Variants in PARD3 observed in about 807,000 individuals in gnomAD.
The protein encoded by PARD3 is par-3 family cell polarity regulator, also known as partitioning defective 3 homolog.
In PARD3, 75 loss-of-function variants were observed where a neutral mutation model predicts 155.4. The observed-to-expected ratio is 0.48, with a 90% CI of 0.40 to 0.58. The LOEUF (loss-of-function observed/expected upper bound fraction) is 0.58. Among genes scored for constraint, PARD3 ranks in the 20% least tolerant of loss-of-function variants. The pLI is 0.00. For synonymous variants in PARD3, 576 were observed against 610.5 expected, an observed-to-expected ratio of 0.94 and a Z score of 0.83; for missense variants, 1,642 against 1,721.7, an observed-to-expected ratio of 0.95 and a Z score of 0.82.
chr10:34,140,788 C>T (rs956888386), intron 22 of PARD3, among the ~76,000 whole-genome samples: 6 of 152,174 alleles, frequency 3.9e-5, no homozygotes, highest in Non-Finnish European at 7.3e-5. Context: ...TCACCAAACA[C>T]CTGAATTCAA....
chr10:34,675,535 T>C (rs887785863), intron 2 of PARD3: 3 of 151,850 alleles, frequency 2.0e-5, no homozygotes, highest in Non-Finnish European at 4.4e-5. Context: ...CTCAGAAAAC[T>C]CCCCAATATG....
chr10:34,289,230 C>T lies in PARD3; in HGVS notation c.3066-4985G>A, dbSNP rs181124577. ...TGGGGGACATAGGCTTGCTCTGTTG[C>T]CCAGGCTAGAGTGCAGTGGCGCAAT... On this transcript the variant is annotated intron_variant, in intron 20 of 24. Coordinates refer to ENST00000374788, the MANE Select transcript of PARD3 (RefSeq NM_001184785.2). 1.2e-4 allele frequency among the ~76,000 whole-genome samples: 19 copies of T among 152,118 alleles called. No homozygotes were observed. The East Asian group carries it at 3.3e-3, about 26-fold the overall frequency.
At chr10:34,301,637 T>C (rs985411859) in intron 20 of PARD3, among the ~76,000 whole-genome samples, 7 of 152,030 alleles carry the variant, frequency 4.6e-5, no homozygotes, top group African/African-American at 1.7e-4. Flanking sequence ...GTGCCAGCCC[T>C]TCCCCCTCTT....
intron 2 of PARD3, among the ~76,000 whole-genome samples, chr10:34,527,798 G>A (rs887857028): frequency 6.6e-6 from 1 of 152,156 alleles, no homozygotes; most frequent in Admixed American, 6.5e-5. Flanking sequence ...CAAGAAGGAA[G>A]GGTGTGATTT....
intron 22 of PARD3, among the ~76,000 whole-genome samples, chr10:34,230,798 C>T (rs1039888963): frequency 5.3e-5 from 8 of 152,132 alleles, no homozygotes; most frequent in Middle Eastern, 6.8e-3. Flanking sequence ...GAGGCTAGGG[C>T]GGGAGGATCA....
At chr10:34,121,235 T>C (rs1158453520) in intron 23 of PARD3, among the ~76,000 whole-genome samples, 2 of 152,232 alleles carry the variant, frequency 1.3e-5, no homozygotes, top group African/African-American at 2.4e-5. Flanking sequence ...ATGGTTACCT[T>C]ACCTTCTAGA....
At chr10:34,631,671 T>C (rs1226633619) in intron 2 of PARD3, among the ~76,000 whole-genome samples, 1 of 152,228 alleles carries the variant, frequency 6.6e-6, no homozygotes, top group African/African-American at 2.4e-5. Flanking sequence ...TGGCACAATC[T>C]TGGCTTACTA....
chr10:34,270,837 A>G (rs1955578855), intron 21 of PARD3, among the ~76,000 whole-genome samples: 1 of 152,202 alleles, frequency 6.6e-6, no homozygotes, highest in Admixed American at 6.5e-5. Flanking sequence ...TGCCTACATT[A>G]CAACTAAGAA....
intron 22 of PARD3, among the ~76,000 whole-genome samples, chr10:34,240,613 T>C (rs1953520558): frequency 6.6e-6 from 1 of 152,098 alleles, no homozygotes; most frequent in Non-Finnish European, 1.5e-5. Flanking sequence ...TAAGGTGGGA[T>C]TTTTGGATTT....
intron 4 of PARD3, among the ~76,000 whole-genome samples, chr10:34,468,319 G>A (rs1161341409): frequency 2.0e-5 from 3 of 152,138 alleles, no homozygotes; most frequent in South Asian, 2.1e-4. Context: ...ATAAAAACAC[G>A]TTCTGTTTGC....
intron 5 of PARD3, among the ~76,000 whole-genome samples, chr10:34,403,631 G>C (rs993029587): frequency 6.6e-6 from 1 of 152,184 alleles, no homozygotes; most frequent in African/African-American, 2.4e-5. Context: ...GTGGAGCTCT[G>C]CATGAAGCCA....
Position 34,292,733 on chromosome 10 carries a change from T to A in PARD3, c.3066-8488A>T, listed in dbSNP as rs571719653. Among the ~76,000 whole-genome samples the A allele has an allele frequency of 3.9e-5, 6 of 152,054 alleles. No individual in the cohort carries two copies. The East Asian group carries it at 5.8e-4, about 15-fold the overall frequency. On this transcript the variant is annotated intron_variant, in intron 20 of 24. Transcript: ENST00000374788. ...ACTTTATTATTATTATTTTTTTTTT[T>A]AAAGAAAAAGCACCTTCTACTTAAC...
intron 5 of PARD3, among the ~76,000 whole-genome samples, chr10:34,403,055 G>T (rs1844064897): frequency 6.6e-6 from 1 of 152,128 alleles, no homozygotes; most frequent in Non-Finnish European, 1.5e-5. Context: ...AATGATGGAG[G>T]CATAGTCTTT....
intron 22 of PARD3, among the ~76,000 whole-genome samples, chr10:34,154,979 T>G (rs1948939912): frequency 6.6e-6 from 1 of 152,208 alleles, no homozygotes; most frequent in South Asian, 2.1e-4. Context: ...GTTCCTATAC[T>G]CAATGGTCAG....
intron 3 of PARD3, among the ~76,000 whole-genome samples, chr10:34,501,800 T>C (rs2080728624): frequency 6.6e-6 from 1 of 151,020 alleles, no homozygotes. Flanking sequence ...ACATCATACA[T>C]GTGATTAAGG....
At position 34,579,603 on chromosome 10, in the gene PARD3, C is replaced by T. The variant is rs111387064; in HGVS notation, c.223-62444G>A. On this transcript the variant is annotated intron_variant, in intron 2 of 24. Transcript: ENST00000374788. ...GTGTGTGTGTGTGTGTGTTTTGACA[C>T]GGAGTTTCACACTGTCTCCCAGGCT... is the stretch of plus-strand genomic sequence containing the variant. Among the ~76,000 whole-genome samples, 369 of 80,760 alleles carry T rather than the reference C, an allele frequency of 4.6e-3. 4 individuals are homozygous for T. Among genetic ancestry groups the T allele is most frequent in the African/African-American group, 0.014 (340 of 23,484 alleles). The allele number at this position is 80,760 out of a possible 152,430, so 53.0% of individuals were successfully genotyped here. A position where few individuals can be genotyped will look rare whatever the true frequency, so the allele number is the denominator to read the frequency against.
At chr10:34,566,088 T>C (rs940094647) in intron 2 of PARD3, among the ~76,000 whole-genome samples, 6 of 152,294 alleles carry the variant, frequency 3.9e-5, no homozygotes, top group African/African-American at 1.4e-4. Flanking sequence ...GAGTCAACAA[T>C]GTTTTGGGAT....
intron 22 of PARD3, among the ~76,000 whole-genome samples, chr10:34,236,827 CTT>C (rs1252201474): frequency 6.6e-6 from 1 of 152,156 alleles, no homozygotes; most frequent in Non-Finnish European, 1.5e-5. Flanking sequence ...GACTGCAACT[CTT>C]TTCATCAAGG....
intron 22 of PARD3, among the ~76,000 whole-genome samples, chr10:34,217,301 G>A (rs142846785): frequency 4.5e-4 from 68 of 152,238 alleles, no homozygotes; most frequent in African/African-American, 1.5e-3. Context: ...AAGATAGAGT[G>A]TTAAATATCT....
Sources: allele counts gnomAD v4.1 joint callset (sites outside exome capture counted in the v4.1 genomes callset), GRCh38; gene constraint gnomAD v4.1.1; transcripts MANE v1.5; gene names NCBI Gene and HGNC (gene_info 2026-07-23, HGNC 2026-07-21).